GRID2: variants seen among roughly 807,000 people sequenced by gnomAD.
GRID2 encodes glutamate receptor ionotropic, delta-2.
A neutral mutation model predicts 114.8 loss-of-function variants in GRID2; 33 were observed. The observed-to-expected ratio is 0.29, with a 90% CI of 0.22 to 0.38. The LOEUF (loss-of-function observed/expected upper bound fraction) is 0.38, where lower values mean the gene tolerates loss of function less well. GRID2 is among the 10% of genes least tolerant of loss of function. GRID2 has a pLI of 1.00. For missense variants in GRID2, 1,184 were observed against 1,257.7 expected (o/e 0.94, Z 0.89); for synonymous variants, 505 against 449.9 (o/e 1.12, Z -1.55).
intron 1 of GRID2, among the ~76,000 whole-genome samples, chr4:92,305,449 G>T (rs941825554): frequency 5.3e-5 from 8 of 152,186 alleles, no homozygotes; most frequent in Non-Finnish European, 1.2e-4. Context: ...AACTGACCCC[G>T]GGGCGCTTGG....
chr4:93,018,966 A>T (rs936015720), intron 2 of GRID2, among the ~76,000 whole-genome samples: 2 of 152,178 alleles, frequency 1.3e-5, no homozygotes, highest in Non-Finnish European at 2.9e-5. Flanking sequence ...ACCAGTCCTT[A>T]TCAGAAAATG....
At chr4:93,248,214 G>A (rs900054617) in intron 8 of GRID2, among the ~76,000 whole-genome samples, 4 of 152,096 alleles carry the variant, frequency 2.6e-5, no homozygotes, top group African/African-American at 7.2e-5. Flanking sequence ...TAATGTTCAG[G>A]ACCCAGTACT....
chr4:92,485,309 T>C (rs1343411381), intron 1 of GRID2, among the ~76,000 whole-genome samples: 1 of 48,058 alleles, frequency 2.1e-5, no homozygotes, highest in African/African-American at 6.4e-5. Context: ...TGCATATATA[T>C]ATATATATAT....
intron 1 of GRID2, among the ~76,000 whole-genome samples, chr4:92,472,329 C>A (rs974479508): frequency 6.6e-6 from 1 of 152,122 alleles, no homozygotes; most frequent in Non-Finnish European, 1.5e-5. Context: ...TATCCACTCA[C>A]ACGTTGATGG....
intron 14 of GRID2, among the ~76,000 whole-genome samples, chr4:93,715,578 C>G (rs1728838930): frequency 6.6e-6 from 1 of 152,214 alleles, no homozygotes; most frequent in South Asian, 2.1e-4. Context: ...GAATGTTTTT[C>G]TATTTGTTTG....
At chr4:92,421,294 G>C (rs1295718385) in intron 1 of GRID2, among the ~76,000 whole-genome samples, 2 of 151,738 alleles carry the variant, frequency 1.3e-5, no homozygotes, top group Non-Finnish European at 2.9e-5. Flanking sequence ...CTATATATCT[G>C]GTACTTGAAT....
At position 92,556,701 on chromosome 4, in the gene GRID2, G is replaced by A. The variant is rs938790621; in HGVS notation, c.89-33430G>A. On this transcript the variant is annotated intron_variant, in intron 1 of 15. Coordinates refer to ENST00000282020, the MANE Select transcript of GRID2 (RefSeq NM_001510.4). ...ATCAAATTCCAAGCTCACTCACTTT[G>A]TTCAAGTTTTTGACATCTGCTGGCT... Among the ~76,000 whole-genome samples the A allele has an allele frequency of 3.3e-5, 5 of 152,172 alleles. No homozygotes were observed. The East Asian group carries it at 5.8e-4, about 18-fold the overall frequency.
chr4:92,941,571 A>C (rs1164313101), intron 2 of GRID2, among the ~76,000 whole-genome samples: 1 of 152,054 alleles, frequency 6.6e-6, no homozygotes, highest in Non-Finnish European at 1.5e-5. Context: ...TATTTCCTTC[A>C]GTTCTGCTCT....
intron 11 of GRID2, among the ~76,000 whole-genome samples, chr4:93,472,095 C>T (rs146855223): frequency 0.017 from 2,609 of 150,964 alleles, 66 homozygotes; most frequent in African/African-American, 0.06. Context: ...GAGACTGAGG[C>T]GGGCGGATCA....
chr4:93,264,956 T>C (rs942014988), intron 8 of GRID2, among the ~76,000 whole-genome samples: 28 of 151,702 alleles, frequency 1.8e-4, no homozygotes, highest in African/African-American at 6.8e-4. Context: ...CTAATTTTTG[T>C]ATTTTTAGTA....
intron 1 of GRID2, among the ~76,000 whole-genome samples, chr4:92,498,949 G>C (rs1240203774): frequency 6.9e-6 from 1 of 145,754 alleles, no homozygotes; most frequent in Non-Finnish European, 1.5e-5. Flanking sequence ...AAAAAAACAA[G>C]TTAGAAGAAC....
chr4:92,873,526 T>G (rs1745421497), intron 2 of GRID2, among the ~76,000 whole-genome samples: 1 of 152,158 alleles, frequency 6.6e-6, no homozygotes, highest in Non-Finnish European at 1.5e-5. Flanking sequence ...ATCTTGATTT[T>G]TATGTCTAGG....
intron 2 of GRID2, among the ~76,000 whole-genome samples, chr4:92,708,948 G>C (rs1295742565): frequency 6.6e-6 from 1 of 152,024 alleles, no homozygotes; most frequent in Admixed American, 6.6e-5. Flanking sequence ...GAAATATTTT[G>C]TGTATCTGAA....
At chr4:93,704,686 G>C (rs1421352208) in intron 14 of GRID2, among the ~76,000 whole-genome samples, 1 of 152,086 alleles carries the variant, frequency 6.6e-6, no homozygotes, top group Non-Finnish European at 1.5e-5. Context: ...GCTCCCACTA[G>C]TAAGTGAGAA....
intron 2 of GRID2, among the ~76,000 whole-genome samples, chr4:92,924,462 G>A (rs1310132738): frequency 1.3e-5 from 2 of 151,792 alleles, no homozygotes; most frequent in African/African-American, 2.4e-5. Flanking sequence ...TTCCATGGAT[G>A]TGTAAGAAAT....
intron 2 of GRID2, among the ~76,000 whole-genome samples, chr4:92,871,986 T>C (rs1745313027): frequency 6.6e-6 from 1 of 152,060 alleles, no homozygotes; most frequent in Admixed American, 6.6e-5. Flanking sequence ...AACTCTCCAA[T>C]AAATCTGTGG....
chr4:93,646,851 T>C (rs1722158101), intron 14 of GRID2, among the ~76,000 whole-genome samples: 1 of 152,118 alleles, frequency 6.6e-6, no homozygotes, highest in South Asian at 2.1e-4. Context: ...AGGATAAGCT[T>C]ATTTTCTGAA....
chr4:93,014,522 C>G (rs1264143656), intron 2 of GRID2, among the ~76,000 whole-genome samples: 1 of 152,030 alleles, frequency 6.6e-6, no homozygotes, highest in Non-Finnish European at 1.5e-5. Context: ...TCCAGGCCCC[C>G]ACAGAAAATT....
intron 2 of GRID2, among the ~76,000 whole-genome samples, chr4:92,683,135 TA>T (rs1368609404): frequency 6.6e-6 from 1 of 151,964 alleles, no homozygotes; most frequent in Non-Finnish European, 1.5e-5. Flanking sequence ...TTGCCTCTAC[TA>T]AAAATACCAA....
Sources: allele counts gnomAD v4.1 joint callset (sites outside exome capture counted in the v4.1 genomes callset), GRCh38; gene constraint gnomAD v4.1.1; transcripts MANE v1.5; gene names NCBI Gene and HGNC (gene_info 2026-07-23, HGNC 2026-07-21).